The following MROH2A variants were observed in gnomAD, a reference collection of about 807,000 sequenced individuals.
MROH2A encodes maestro heat like repeat family member 2A.
A neutral mutation model predicts 200.4 loss-of-function variants in MROH2A; 174 were observed. The ratio of observed to expected loss-of-function variants is 0.87; its 90% CI spans 0.77 to 0.98. The LOEUF (loss-of-function observed/expected upper bound fraction) is 0.98. Ranked by LOEUF, MROH2A falls within the 50% of genes least tolerant of loss-of-function variation. The pLI, the probability that MROH2A is intolerant of heterozygous loss-of-function variation, is 0.00. For synonymous variants in MROH2A, 829 were observed against 840.4 expected, an observed-to-expected ratio of 0.99 and a Z score of 0.23; for missense variants, 2,045 against 2,139.6, an observed-to-expected ratio of 0.96 and a Z score of 0.87.
Position 233,789,598 on chromosome 2 carries a change from T to A in MROH2A, c.378T>A (p.Ile126=). Residue 126 remains isoleucine (I), a synonymous_variant, in exon 4 of 42, where the codon ATT becomes ATA. Transcript: ENST00000389758. ...AGTGCGTGCAGAGGCTGGTGGCCATTGCCTCCAAGGAGATGAGGGAGATCC... is the reference window on the plus strand; with the variant it reads ...AGTGCGTGCAGAGGCTGGTGGCCATAGCCTCCAAGGAGATGAGGGAGATCC... ...EEQCVQRLVA[I]ASKEMREIPE... 1 of 1,487,090 alleles carries A rather than the reference T, an allele frequency of 6.7e-7. No individual in the cohort carries two copies. Among genetic ancestry groups the A allele is most frequent in the Non-Finnish European group, 9.0e-7 (1 of 1,116,910 alleles). The allele number at this position is 1,487,090 out of a possible 1,614,324, so 92.1% of individuals were successfully genotyped here.
chr2:233,816,163 A>C (rs1328104264), intron 26 of MROH2A, among the ~76,000 whole-genome samples: 1 of 152,144 alleles, frequency 6.6e-6, no homozygotes, highest in Non-Finnish European at 1.5e-5. Context: ...TGCTGTTGTT[A>C]AGTGTAGTGT....
chr2:233,803,456 C>G lies in MROH2A; in HGVS notation c.1717C>G (p.Pro573Ala). The change falls in exon 16 of 42, where the codon CCT (proline) becomes GCT (alanine). Residue 573 changes from proline to alanine, a missense_variant. Pro to Ala is a conservative substitution (Grantham distance 27). Around this residue, in one of 3 missense-constraint regions of MROH2A, gnomAD observed 831 missense variants for 800.0 expected, o/e 1.04. Transcript: ENST00000389758. Reference protein sequence around the residue: ...VAGKSRQVDLPAPQKLLARLL... With the variant: ...VAGKSRQVDLAAPQKLLARLL... Reference sequence around the variant, plus strand: ...GCATTTCCTTCAATCAGTGGACCTGCCTGCACCTCAGAAGCTGCTGGCCCG... The same window carrying G: ...GCATTTCCTTCAATCAGTGGACCTGGCTGCACCTCAGAAGCTGCTGGCCCG... The G allele has an allele frequency of 2.6e-6, 4 of 1,550,546 alleles. No individual in the cohort carries two copies. Among genetic ancestry groups the G allele is most frequent in the Non-Finnish European group, 3.5e-6 (4 of 1,146,976 alleles).
intron 6 of MROH2A, among the ~76,000 whole-genome samples, chr2:233,793,384 T>A (rs1045561021): frequency 1.3e-4 from 20 of 152,332 alleles, no homozygotes; most frequent in African/African-American, 4.8e-4. Flanking sequence ...TTCACTGCCC[T>A]CTGACCTGGA....
chr2:233,807,218 T>C lies in MROH2A; in HGVS notation c.2053-205T>C, dbSNP rs1298576576. Among the ~76,000 whole-genome samples the C allele has an allele frequency of 6.6e-6, 1 of 152,172 alleles. No individual in the cohort carries two copies. Among genetic ancestry groups the C allele is most frequent in the Non-Finnish European group, 1.5e-5 (1 of 68,044 alleles). On this transcript the variant is annotated intron_variant, in intron 19 of 41. Coordinates refer to ENST00000389758, the MANE Select transcript of MROH2A (RefSeq NM_001394639.1). This position sits in a 1 kb window ranked among gnomAD's most constrained non-coding sequence, Gnocchi z 4.3. ...ATATATGTATGTATGTATATATCAG[T>C]TTCTTTATCCACTCATTGATTGATG...
In MROH2A at chr2:233,807,409, T is replaced by TA. The variant is rs1702870427; in HGVS notation, c.2053-14_2053-13insA. The TA allele has an allele frequency of 6.5e-7, 1 of 1,545,770 alleles. No individual in the cohort carries two copies. The highest frequency in any genetic ancestry group is 1.4e-5 in the African/African-American group (1 of 72,988). ...AGGGAGGCCTGAGCTCCTTCCTCCCTTCTGCCTCTCCAGGGCTTTCTGTAC... is the reference window on the plus strand; with the variant it reads ...AGGGAGGCCTGAGCTCCTTCCTCCCTATCTGCCTCTCCAGGGCTTTCTGTAC... On this transcript the variant is annotated splice_polypyrimidine_tract_variant and intron_variant, in intron 19 of 41. Transcript: ENST00000389758. The surrounding 1 kb of genome is among the most constrained non-coding windows in gnomAD (Gnocchi z 4.3).
intron 5 of MROH2A, among the ~76,000 whole-genome samples, chr2:233,790,322 T>A (rs1416421363): frequency 6.7e-6 from 1 of 149,454 alleles, no homozygotes; most frequent in African/African-American, 2.5e-5. Flanking sequence ...TTCGTTTCCT[T>A]TTTTATTGCC....
intron 11 of MROH2A, among the ~76,000 whole-genome samples, chr2:233,796,878 G>A (rs1702146941): frequency 6.6e-6 from 1 of 152,154 alleles, no homozygotes; most frequent in Non-Finnish European, 1.5e-5. Context: ...CACAAATTGG[G>A]CAACTGTATG....
chr2:233,780,864 T>A (rs1700924325), intron 3 of MROH2A, among the ~76,000 whole-genome samples: 1 of 152,202 alleles, frequency 6.6e-6, no homozygotes, highest in African/African-American at 2.4e-5. Flanking sequence ...TTGTATCTTT[T>A]AATCAACTTC....
At chr2:233,779,934 A>G (rs1434875945) in intron 3 of MROH2A, 82 bp downstream of exon 3, 21 of 1,177,834 alleles carry the variant, frequency 1.8e-5, no homozygotes, top group Non-Finnish European at 2.2e-5. Flanking sequence ...GTTACTGACT[A>G]TCAGAGATGT....
At chr2:233,812,559 T>A (rs1467960719) in intron 24 of MROH2A, among the ~76,000 whole-genome samples, 1 of 152,188 alleles carries the variant, frequency 6.6e-6, no homozygotes, top group African/African-American at 2.4e-5. Context: ...CAGGCAGATT[T>A]TAAAATAAAT....
chr2:233,799,442 C>A (rs1440484371), intron 12 of MROH2A, among the ~76,000 whole-genome samples: 1 of 152,158 alleles, frequency 6.6e-6, no homozygotes, highest in Non-Finnish European at 1.5e-5. Flanking sequence ...GCATCTCCTT[C>A]ACATAGTGAT....
intron 27 of MROH2A, 29 bp downstream of exon 27, chr2:233,816,914 C>G: frequency 7.4e-7 from 1 of 1,349,810 alleles, no homozygotes; most frequent in Non-Finnish European, 1.0e-6. Context: ...AGCCCCCAGC[C>G]TGCTGCTCTG....
rs925652987 is a variant in MROH2A at position 233,788,179 on chromosome 2, T to G, written c.277-1318T>G. On this transcript the variant is annotated intron_variant, in intron 3 of 41. Coordinates refer to ENST00000389758, the MANE Select transcript of MROH2A (RefSeq NM_001394639.1). ...TTTATATATACATATACATATATTA[T>G]ATATATACACACACATATACATATA... Among the ~76,000 whole-genome samples, 29 of 122,550 alleles carry G rather than the reference T, an allele frequency of 2.4e-4. 1 individual carries two copies. Among genetic ancestry groups the G allele is most frequent in the African/African-American group, 8.7e-4 (28 of 32,110 alleles). 80.4% of individuals were successfully genotyped at this position (122,550 alleles called of 152,430 possible). A position where few individuals can be genotyped will look rare whatever the true frequency, so the allele number is the denominator to read the frequency against.
rs1021336046 is a variant in MROH2A at position 233,811,300 on chromosome 2, T to G, written c.2571+384T>G. On this transcript the variant is annotated intron_variant, in intron 23 of 41. Transcript: ENST00000389758. Reference sequence around the variant, plus strand: ...GGACTTAGAGTGAAGCCCTGAAGGATGCACAGAAGGATGTAAGACAAAGAA... The same window carrying G: ...GGACTTAGAGTGAAGCCCTGAAGGAGGCACAGAAGGATGTAAGACAAAGAA... Among the ~76,000 whole-genome samples, 61 of 152,198 alleles carry G rather than the reference T, an allele frequency of 4.0e-4. 1 individual carries two copies. The highest frequency in any genetic ancestry group is 1.6e-4 in the Non-Finnish European group (11 of 68,030).
chr2:233,832,894 C>T (rs1173828359), intron 41 of MROH2A, among the ~76,000 whole-genome samples: 1 of 152,188 alleles, frequency 6.6e-6, no homozygotes. Context: ...TGCTTTTGGC[C>T]TGATGCTGCT....
At chr2:233,802,640 G>A (rs1450692682) in intron 15 of MROH2A, among the ~76,000 whole-genome samples, 1 of 152,096 alleles carries the variant, frequency 6.6e-6, no homozygotes, top group Non-Finnish European at 1.5e-5. Flanking sequence ...CCTCTGCTCT[G>A]CCTGGCTTCT....
chr2:233,828,639 G>T lies in MROH2A; in HGVS notation c.4123G>T (p.Gly1375Cys), dbSNP rs1178212055. ...ATGTCCTCCCTTCCAGTTCATGAGCGGCCCAGTTCTGTACCAGGAGAAGCT... is the reference window on the plus strand; with the variant it reads ...ATGTCCTCCCTTCCAGTTCATGAGCTGCCCAGTTCTGTACCAGGAGAAGCT... The part of the protein sequence containing the change: ...ISSTAVCFMS[G>C]PVLYQEKLLK... Residue 1375 changes from glycine (G) to cysteine (C), a missense_variant, in exon 36 of 42, where the codon GGC (glycine) becomes TGC (cysteine). Around this residue, in one of 3 missense-constraint regions of MROH2A, gnomAD observed 1,201 missense variants for 1,311.3 expected, o/e 0.92. Transcript: ENST00000389758. This position sits in a 1 kb window ranked among gnomAD's most constrained non-coding sequence, Gnocchi z 4.6. The T allele has an allele frequency of 6.4e-7, 1 of 1,550,792 alleles. No individual in the cohort carries two copies. Among genetic ancestry groups the T allele is most frequent in the Non-Finnish European group, 8.7e-7 (1 of 1,146,966 alleles).
intron 3 of MROH2A, among the ~76,000 whole-genome samples, chr2:233,788,058 ATATAT>A (rs1451079260): frequency 3.8e-5 from 3 of 77,946 alleles, no homozygotes; most frequent in Non-Finnish European, 4.6e-5. Context: ...TTATATATAC[ATATAT>A]TATATATATA....
rs1408561351 is a variant in MROH2A at position 233,787,921 on chromosome 2, TAC to T, written c.277-1574_277-1573del. Among the ~76,000 whole-genome samples the T allele has an allele frequency of 9.8e-4, 35 of 35,672 alleles. 3 individuals are homozygous for T. Among genetic ancestry groups the T allele is most frequent in the African/African-American group, 3.6e-3 (35 of 9,598 alleles). The allele number at this position is 35,672 out of a possible 152,430, so 23.4% of individuals were successfully genotyped here. A position where few individuals can be genotyped will look rare whatever the true frequency, so the allele number is the denominator to read the frequency against. ...TATATATACATATATATTATATATA[TAC>T]ATATATATTATATATACATATATAT... On this transcript the variant is annotated intron_variant, in intron 3 of 41. Coordinates refer to ENST00000389758, the MANE Select transcript of MROH2A (RefSeq NM_001394639.1).
Sources: allele counts gnomAD v4.1 joint callset (sites outside exome capture counted in the v4.1 genomes callset), GRCh38; gene constraint gnomAD v4.1.1; regional missense constraint gnomAD v4.1.1; non-coding constraint Gnocchi (gnomAD v3.1); transcripts MANE v1.5; gene names NCBI Gene and HGNC (gene_info 2026-07-23, HGNC 2026-07-21).